Variants in CLUH observed in about 807,000 individuals in gnomAD.
CLUH encodes CLUH binding protein of NUMT mRNA.
A neutral mutation model predicts 139.3 loss-of-function variants in CLUH; 77 were observed. The ratio of observed to expected loss-of-function variants is 0.55; its 90% confidence interval spans 0.46 to 0.67. CLUH has a LOEUF of 0.67. CLUH is among the 30% of genes least tolerant of loss of function. CLUH has a pLI of 0.00. For synonymous variants in CLUH, 999 were observed against 801.6 expected, an observed-to-expected ratio of 1.25 and a Z score of -4.16; for missense variants, 1,876 against 1,875.8, an observed-to-expected ratio of 1.00 and a Z score of 0.00.
At position 2,690,242 on chromosome 17, in the gene CLUH, A is replaced by C; in HGVS notation, c.*352T>G. The C allele has an allele frequency of 5.5e-5, 13 of 234,830 alleles. No homozygotes were observed. The highest frequency in any genetic ancestry group is 8.2e-5 in the East Asian group (1 of 12,154). The allele number at this position is 234,830 out of a possible 1,614,324, so 14.5% of individuals were successfully genotyped here. On this transcript the variant is annotated 3_prime_UTR_variant, in exon 26 of 26. Coordinates refer to ENST00000651024, the MANE Select transcript of CLUH (RefSeq NM_001366661.1). ...CACCCACTCAGGACTGGCTCGGGCT[A>C]TGTACAGGGGAGAGGAACGGTCAAC...
rs774699615 is a variant in CLUH, at chr17:2,695,249, G to A, written c.2576C>T (p.Ser859Leu). Residue 859 changes from serine (S) to leucine (L), a missense_variant, in exon 15 of 26, where the codon TCG becomes TTG. Ser to Leu is a moderately radical substitution (Grantham distance 145). Coordinates refer to ENST00000651024, the MANE Select transcript of CLUH (RefSeq NM_001366661.1). ...KIGIGELITRSAKHIFKTYLQ... is the reference protein window; with the variant it reads ...KIGIGELITRLAKHIFKTYLQ... ...GTACGTCTTGAAGATGTGCTTGGCC[G>A]AGCGGGTGATGAGTTCTCCAATGCC... 4.3e-6 allele frequency: 7 copies of A among 1,613,808 alleles called. No homozygotes were observed. The highest frequency in any genetic ancestry group is 1.7e-5 in the Admixed American group (1 of 60,010).
intron 1 of CLUH, among the ~76,000 whole-genome samples, chr17:2,710,188 C>G (rs980521791): frequency 1.3e-5 from 2 of 152,216 alleles, no homozygotes; most frequent in African/African-American, 4.8e-5. Context: ...CAAGTCACTT[C>G]GACTCTTCGG....
In CLUH at chr17:2,691,935, CCGCG is replaced by C. The variant is rs1486562840; in HGVS notation, c.3655-44_3655-41del. Reference sequence around the variant, plus strand: ...GAAGGGATCAGGCCCCCCCGTGCCCCCGCGGCCCCGCCCCCGCCCCGCCACGCCC... The same window carrying C: ...GAAGGGATCAGGCCCCCCCGTGCCCCGCCCCGCCCCCGCCCCGCCACGCCC... On this transcript the variant is annotated intron_variant, in intron 23 of 25. Coordinates refer to ENST00000651024, the MANE Select transcript of CLUH (RefSeq NM_001366661.1). The C allele has an allele frequency of 7.7e-5, 87 of 1,125,920 alleles. 3 individuals are homozygous for C. In the South Asian group the frequency reaches 9.2e-4, roughly 12 times the overall value. 69.7% of individuals were successfully genotyped at this position (1,125,920 alleles called of 1,614,324 possible).
In CLUH at chr17:2,707,988, C is replaced by T. The variant is rs891995971; in HGVS notation, c.101-3424G>A. The T allele has an allele frequency of 2.0e-6, 2 of 985,322 alleles. No homozygotes were observed. The highest frequency in any genetic ancestry group is 3.5e-5 in the African/African-American group (2 of 57,252). The allele number at this position is 985,322 out of a possible 1,614,324, so 61.0% of individuals were successfully genotyped here. ...GCTGGCAGGCTCCATCTTCCCTTCCCAGCAGCCCCGGCTCTGCCAGGAGGG... is the reference window on the plus strand; with the variant it reads ...GCTGGCAGGCTCCATCTTCCCTTCCTAGCAGCCCCGGCTCTGCCAGGAGGG... On this transcript the variant is annotated intron_variant, in intron 1 of 25. Transcript: ENST00000651024. This position sits in a 1 kb window ranked among gnomAD's most constrained non-coding sequence, Gnocchi z 7.4.
At chr17:2,699,943 T>G (rs1385016014) in intron 9 of CLUH, among the ~76,000 whole-genome samples, 1 of 152,220 alleles carries the variant, frequency 6.6e-6, no homozygotes, top group Non-Finnish European at 1.5e-5. Context: ...GATTTTTTTT[T>G]TCTTAAGCAA....
At chr17:2,700,258 C>G (rs563188401) in intron 9 of CLUH, 124 bp downstream of exon 9, 2 of 851,142 alleles carry the variant, frequency 2.3e-6, no homozygotes, top group African/African-American at 1.7e-5. Flanking sequence ...GCTGACTGGC[C>G]TTCGGGGAAC....
In CLUH at chr17:2,692,800, G is replaced by A; in HGVS notation, c.3292C>T (p.Pro1098Ser). The A allele has an allele frequency of 6.2e-7, 1 of 1,604,506 alleles. No homozygotes were observed. The highest frequency in any genetic ancestry group is 8.5e-7 in the Non-Finnish European group (1 of 1,173,822). ...CTCACGTATTCCTGGATGGTGTTGGGGTGCTCGGTGCCCATCACCCGCTCG... is the reference window on the plus strand; with the variant it reads ...CTCACGTATTCCTGGATGGTGTTGGAGTGCTCGGTGCCCATCACCCGCTCG... ...MSERVMGTEHPNTIQEYMHLA... is the reference protein window; with the variant it reads ...MSERVMGTEHSNTIQEYMHLA... Residue 1098 changes from proline to serine, a missense_variant, in exon 20 of 26, where the codon CCC becomes TCC. Coordinates refer to ENST00000651024, the MANE Select transcript of CLUH (RefSeq NM_001366661.1).
rs895833832 is a variant in CLUH, at chr17:2,698,530, C to A, written c.1327G>T (p.Val443Leu). ...TCCTCGCTGGGGTTGATGGCCATCA[C>A]GTTGCCGTCAATGACGGCCATGGCG... ...RGAMAVIDGN[V>L]MAINPSEETK... The change falls in exon 10 of 26, where the codon GTG becomes TTG. Residue 443 changes from valine (V) to leucine (L), a missense_variant. By Grantham distance (32) the Val-to-Leu change is conservative. Around this residue, in one of 3 missense-constraint regions of CLUH, gnomAD observed 1,454 missense variants for 1,384.4 expected, o/e 1.05. Transcript: ENST00000651024. 1 of 1,612,396 alleles carries A rather than the reference C, an allele frequency of 6.2e-7. No homozygotes were observed.
At chr17:2,700,636 G>C (rs774390498) in intron 8 of CLUH, 42 bp downstream of exon 8, 4 of 1,517,328 alleles carry the variant, frequency 2.6e-6, no homozygotes, top group East Asian at 2.3e-5. Context: ...GCACCCAGGA[G>C]GGCAGGGGTG....
At chr17:2,699,006 C>G (rs2070080229) in intron 9 of CLUH, among the ~76,000 whole-genome samples, 1 of 152,136 alleles carries the variant, frequency 6.6e-6, no homozygotes. Context: ...GAAATCACAC[C>G]ACTGCACTCC....
intron 25 of CLUH, 168 bp downstream of exon 25, chr17:2,691,441 A>G (rs921189663): frequency 1.7e-5 from 11 of 666,546 alleles, no homozygotes; most frequent in African/African-American, 1.4e-4. Context: ...GGACACCTGT[A>G]ATCCCAGCTA....
Position 2,707,742 on chromosome 17 carries a change from A to G in CLUH, c.101-3178T>C. ...GGCACAGACCCGGGTCCAGGCCATA[A>G]GGTGGCTGCCTCTGCCCACCAGTCC... On this transcript the variant is annotated intron_variant, in intron 1 of 25. Transcript: ENST00000651024. This position sits in a 1 kb window ranked among gnomAD's most constrained non-coding sequence, Gnocchi z 7.4. The G allele has an allele frequency of 7.1e-6, 7 of 985,418 alleles. No individual in the cohort carries two copies. The highest frequency in any genetic ancestry group is 8.4e-6 in the Non-Finnish European group (7 of 829,900). 61.0% of individuals were successfully genotyped at this position (985,418 alleles called of 1,614,324 possible). A position where few individuals can be genotyped will look rare whatever the true frequency, so the allele number is the denominator to read the frequency against.
At chr17:2,694,822 T>TTCCCCCCCCCCCCC in intron 16 of CLUH, 35 bp downstream of exon 16, 1 of 1,346,336 alleles carries the variant, frequency 7.4e-7, no homozygotes, top group Non-Finnish European at 1.0e-6. Context: ...ATCTGCCCAA[T>TTCCCCCCCCCCCCC]CCCACCCACC....
chr17:2,698,083 T>C lies in CLUH; in HGVS notation c.1774A>G (p.Ile592Val). ...ELCSSVECKG[I>V]IGNDGRHYIL... ...TAGTGGCGCCCGTCGTTGCCAATGA[T>C]GCCCTTGCACTCGACCGAGGAGCAG... The change falls in exon 10 of 26, where the codon ATC becomes GTC. Residue 592 changes from isoleucine (I) to valine (V), a missense_variant. Ile to Val is a conservative substitution (Grantham distance 29). This residue lies in a region of CLUH where 1,454 missense variants were observed against 1,384.4 expected (regional missense o/e 1.05). Transcript: ENST00000651024. 1.2e-6 allele frequency: 2 copies of C among 1,606,450 alleles called. No homozygotes were observed. Among genetic ancestry groups the C allele is most frequent in the Non-Finnish European group, 1.7e-6 (2 of 1,178,294 alleles).
At chr17:2,692,162 C>T (rs2069715421) in intron 22 of CLUH, 65 bp from the exon 23 acceptor site, 17 of 1,490,650 alleles carry the variant, frequency 1.1e-5, no homozygotes, top group Non-Finnish European at 1.5e-5. Context: ...GGGCCTGACT[C>T]GGGGGCCCGG....
intron 22 of CLUH, 91 bp downstream of exon 22, chr17:2,692,270 G>A (rs2151692723): frequency 1.0e-5 from 15 of 1,461,146 alleles, no homozygotes; most frequent in South Asian, 1.3e-5. Context: ...CTCGGGTGGA[G>A]GAAGACAGGA....
rs200340260 is a variant in CLUH, at chr17:2,701,234, C to A, written c.931G>T (p.Ala311Ser). The change falls in exon 7 of 26, where the codon GCC (alanine) becomes TCC (serine). Residue 311 changes from alanine to serine, a missense_variant. This residue lies in a region of CLUH where 270 missense variants were observed against 354.7 expected (regional missense o/e 0.76). Coordinates refer to ENST00000651024, the MANE Select transcript of CLUH (RefSeq NM_001366661.1). ...GAATGGCTTAGGAAGCGGGGGCTGG[C>A]GGGCTTGGGGTTGAAGTGATAAGCT... ...STAYHFNPKP[A>S]SPRFLSHSLV... 68 of 1,613,180 alleles carry A rather than the reference C, an allele frequency of 4.2e-5. 1 individual carries two copies. The Middle Eastern group carries it at 4.9e-4, about 12-fold the overall frequency.
At chr17:2,693,647 G>T (rs1597600634) in intron 19 of CLUH, among the ~76,000 whole-genome samples, 1 of 152,282 alleles carries the variant, frequency 6.6e-6, no homozygotes, top group South Asian at 2.1e-4. Context: ...GTCTCAGGAG[G>T]CGTCCTTGCT....
chr17:2,696,100 A>G, intron 13 of CLUH, 59 bp downstream of exon 13: 1 of 1,364,060 alleles, frequency 7.3e-7, no homozygotes, highest in South Asian at 1.3e-5. Context: ...AGTCGGAGAC[A>G]GATGAGGGAC....
Sources: gnomAD v4.1 joint callset for allele counts (sites outside exome capture counted in the v4.1 genomes callset) on GRCh38, gnomAD v4.1.1 for gene constraint, gnomAD v4.1.1 regional missense constraint, Gnocchi (gnomAD v3.1) non-coding constraint, MANE v1.5 for transcripts, NCBI Gene and HGNC (gene_info 2026-07-23, HGNC 2026-07-21) for gene names.